The following PCDH15 variants were observed in gnomAD, a reference collection of about 807,000 sequenced individuals.
The protein encoded by PCDH15 is protocadherin-15.
A neutral mutation model predicts 178.5 loss-of-function variants in PCDH15; 129 were observed. That is an observed-to-expected ratio of 0.72 (90% confidence interval 0.63 to 0.84). The LOEUF (loss-of-function observed/expected upper bound fraction) is 0.84, where lower values mean the gene tolerates loss of function less well. PCDH15 is among the 40% of genes least tolerant of loss of function. The pLI is 0.00. For missense variants in PCDH15, 2,230 were observed against 2,099.9 expected (o/e 1.06, Z -1.21); for synonymous variants, 800 against 732.0 (o/e 1.09, Z -1.50).
intron 2 of PCDH15, among the ~76,000 whole-genome samples, chr10:55,051,076 T>C (rs764087736): frequency 2.6e-5 from 4 of 152,136 alleles, no homozygotes; most frequent in African/African-American, 7.2e-5. Context: ...TACATCTTAC[T>C]TTGCTTGAAA....
At position 54,591,583 on chromosome 10, in the gene PCDH15, TA is replaced by T. The variant is rs201133954; in HGVS notation, c.92-63707del. Among the ~76,000 whole-genome samples, 1,488 of 152,306 alleles carry T rather than the reference TA, an allele frequency of 9.8e-3. 25 individuals carry two copies. The highest frequency in any genetic ancestry group is 0.034 in the African/African-American group (1,431 of 41,572). ...ATAAGATATTACATTTGTGTTGTTT[TA>T]AGGCACTAATTTTGTGATAAATTGC... is the stretch of plus-strand genomic sequence containing the variant. On this transcript the variant is annotated intron_variant, in intron 2 of 37. Transcript: ENST00000644397.
chr10:55,228,994 T>A (rs894299438), intron 1 of PCDH15, among the ~76,000 whole-genome samples: 3 of 151,904 alleles, frequency 2.0e-5, no homozygotes, highest in African/African-American at 7.3e-5. Context: ...GCAACAAAAG[T>A]AAAGGCCCAA....
At chr10:53,928,009 G>A (rs1194433341) in intron 25 of PCDH15, among the ~76,000 whole-genome samples, 1 of 152,008 alleles carries the variant, frequency 6.6e-6, no homozygotes, top group Non-Finnish European at 1.5e-5. Context: ...AGAGACTTGT[G>A]CAAGCAAAGA....
intron 3 of PCDH15, among the ~76,000 whole-genome samples, chr10:54,494,910 T>C (rs1184986311): frequency 6.6e-6 from 1 of 152,136 alleles, no homozygotes. Flanking sequence ...CCCTACTTTA[T>C]GCAGCCCTAC....
chr10:53,876,856 A>G (rs1180869366), intron 26 of PCDH15, among the ~76,000 whole-genome samples: 2 of 152,190 alleles, frequency 1.3e-5, no homozygotes, highest in Admixed American at 6.5e-5. Context: ...GCAATGTAAT[A>G]ATGGAAACAC....
chr10:54,017,248 C>T (rs2092769026), intron 20 of PCDH15, among the ~76,000 whole-genome samples: 1 of 152,192 alleles, frequency 6.6e-6, no homozygotes, highest in South Asian at 2.1e-4. Context: ...TAATCTCAAA[C>T]TCCTGACCTC....
chr10:55,534,106 C>A (rs1300898500), intron 2 of PCDH15, among the ~76,000 whole-genome samples: 1 of 151,752 alleles, frequency 6.6e-6, no homozygotes, highest in East Asian at 1.9e-4. Context: ...GATTTAAAGA[C>A]ATCGAATTAT....
intron 8 of PCDH15, among the ~76,000 whole-genome samples, chr10:54,247,928 A>G (rs922507254): frequency 7.1e-6 from 1 of 140,610 alleles, no homozygotes; most frequent in Non-Finnish European, 1.5e-5. Context: ...GTGAGGATGC[A>G]TGAAAGAATA....
chr10:54,400,781 C>A (rs1951832061), intron 3 of PCDH15, among the ~76,000 whole-genome samples: 1 of 151,648 alleles, frequency 6.6e-6, no homozygotes, highest in Middle Eastern at 3.4e-3. Context: ...AGATATCTAC[C>A]AGCAAAATAT....
At chr10:54,925,294 T>C (rs975978475) in intron 2 of PCDH15, among the ~76,000 whole-genome samples, 3 of 152,214 alleles carry the variant, frequency 2.0e-5, no homozygotes, top group South Asian at 2.1e-4. Context: ...TTCTGTTCCA[T>C]TGGTTTATGT....
At chr10:55,306,786 G>C (rs889228567) in intron 1 of PCDH15, among the ~76,000 whole-genome samples, 2 of 152,168 alleles carry the variant, frequency 1.3e-5, no homozygotes, top group Non-Finnish European at 2.9e-5. Context: ...ACAGATTTCG[G>C]TATGAACATG....
At chr10:54,308,100 A>G (rs1236319305) in intron 8 of PCDH15, among the ~76,000 whole-genome samples, 1 of 152,092 alleles carries the variant, frequency 6.6e-6, no homozygotes. Flanking sequence ...AACATCACAC[A>G]AGATTTAAAT....
At chr10:53,938,257 A>G (rs1488237435) in intron 25 of PCDH15, among the ~76,000 whole-genome samples, 4 of 152,204 alleles carry the variant, frequency 2.6e-5, no homozygotes, top group African/African-American at 9.6e-5. Flanking sequence ...TAAAAAAATA[A>G]CCTTTTTAAT....
At chr10:55,251,265 T>G (rs1306479982) in intron 1 of PCDH15, among the ~76,000 whole-genome samples, 2 of 152,122 alleles carry the variant, frequency 1.3e-5, no homozygotes, top group Non-Finnish European at 2.9e-5. Flanking sequence ...TATCTACCAA[T>G]ATGATCAAGA....
intron 3 of PCDH15, among the ~76,000 whole-genome samples, chr10:54,813,401 T>C (rs2133731803): frequency 6.6e-6 from 1 of 152,280 alleles, no homozygotes; most frequent in Middle Eastern, 3.4e-3. Flanking sequence ...GCAATTCCCT[T>C]GAAACCTTCC....
At chr10:54,543,110 C>G (rs575684903) in intron 2 of PCDH15, among the ~76,000 whole-genome samples, 6 of 151,452 alleles carry the variant, frequency 4.0e-5, no homozygotes, top group African/African-American at 1.2e-4. Context: ...CCGTGGCCCC[C>G]CAAAACTCCG....
chr10:53,809,057 T>G (rs1441094012), intron 37 of PCDH15: 18 of 1,612,200 alleles, frequency 1.1e-5, no homozygotes, highest in African/African-American at 1.3e-5. Flanking sequence ...ACCATGGGCC[T>G]TCTTCTTGCA....
chr10:54,640,546 C>A (rs2093965097), intron 2 of PCDH15, among the ~76,000 whole-genome samples: 1 of 151,940 alleles, frequency 6.6e-6, no homozygotes, highest in African/African-American at 2.4e-5. Flanking sequence ...AGTGATGTCA[C>A]CCTGCGTAGC....
rs145887231 is a variant in PCDH15, at chr10:54,233,003, G to A, written c.985+3820C>T. 5.9e-3 allele frequency among the ~76,000 whole-genome samples: 840 copies of A among 143,024 alleles called. 10 individuals carry two copies. Among genetic ancestry groups the A allele is most frequent in the African/African-American group, 0.021 (798 of 37,616 alleles). 93.8% of individuals were successfully genotyped at this position (143,024 alleles called of 152,430 possible). A position where few individuals can be genotyped will look rare whatever the true frequency, so the allele number is the denominator to read the frequency against. The stretch of plus-strand genomic sequence containing the variant: ...CAGGCTGGAGTAAAATGATGTGATC[G>A]TAGCTCACTGCAGCCCTGCAGCCTT... On this transcript the variant is annotated intron_variant, in intron 9 of 37. Coordinates refer to ENST00000644397, the MANE Select transcript of PCDH15 (RefSeq NM_001384140.1).
Sources: allele counts gnomAD v4.1 joint callset (sites outside exome capture counted in the v4.1 genomes callset), GRCh38; gene constraint gnomAD v4.1.1; transcripts MANE v1.5; gene names NCBI Gene and HGNC (gene_info 2026-07-23, HGNC 2026-07-21).